Variants in BGN observed in about 807,000 individuals in gnomAD.
BGN encodes bone/cartilage proteoglycan-I.
Under a neutral mutation model 20.0 loss-of-function variants are expected in BGN, and 6 were observed. The observed-to-expected ratio is 0.30, with a 90% CI of 0.16 to 0.59. The LOEUF (loss-of-function observed/expected upper bound fraction) is 0.59, where lower values mean the gene tolerates loss of function less well. BGN is among the 20% of genes least tolerant of loss of function. BGN has a pLI of 0.88. For synonymous variants in BGN, 146 were observed against 134.6 expected (o/e 1.08, Z -0.59); for missense variants, 292 against 312.1 (o/e 0.94, Z 0.49).
chrX:153,498,132 C>T lies in BGN; in HGVS notation c.-12+3019C>T, dbSNP rs187202343. On this transcript the variant is annotated intron_variant, in intron 1 of 7. Coordinates refer to ENST00000331595, the MANE Select transcript of BGN (RefSeq NM_001711.6). Reference sequence around the variant, plus strand: ...GAGGCTTAGGGGCCTGGGGCTCTAGCCAGCCTTCTTGCATGGAACTCTCCT... The same window carrying T: ...GAGGCTTAGGGGCCTGGGGCTCTAGTCAGCCTTCTTGCATGGAACTCTCCT... Among the ~76,000 whole-genome samples, 3 of 112,870 alleles carry T rather than the reference C, an allele frequency of 2.7e-5. No homozygotes were observed. The East Asian group carries it at 8.4e-4, about 32-fold the overall frequency.
chrX:153,498,918 A>C (rs1167841128), intron 1 of BGN, among the ~76,000 whole-genome samples: 1 of 111,845 alleles, frequency 8.9e-6, no homozygotes. Context: ...AGCCCCCTGC[A>C]CAGCCCCGAG....
intron 1 of BGN, 97 bp from the exon 2 acceptor site, chrX:153,504,524 G>A: frequency 1.3e-6 from 1 of 743,168 alleles, no homozygotes; most frequent in East Asian, 3.4e-5. Context: ...GGTGAGGGAT[G>A]GGAACGCAGT....
intron 1 of BGN, among the ~76,000 whole-genome samples, chrX:153,501,104 TGTGTGCAC>T (rs1284171587): frequency 6.3e-5 from 7 of 111,902 alleles, no homozygotes; most frequent in African/African-American, 2.3e-4. Flanking sequence ...TGTGCATGTG[TGTGTGCAC>T]GTGTGTACAT....
chrX:153,507,360 A>G (rs1318348508), intron 7 of BGN, among the ~76,000 whole-genome samples, 175 bp downstream of exon 7: 1 of 112,602 alleles, frequency 8.9e-6, no homozygotes, highest in African/African-American at 3.2e-5. Context: ...CAGGGGCTCC[A>G]TGGTGGATAC....
intron 1 of BGN, among the ~76,000 whole-genome samples, chrX:153,502,897 T>C (rs2089770620): frequency 8.9e-6 from 1 of 112,339 alleles, no homozygotes. Context: ...TGGCAGCCGC[T>C]ATAGCCACAG....
Position 153,496,656 on chromosome X carries a change from G to A in BGN, c.-12+1543G>A, listed in dbSNP as rs184409637. Among the ~76,000 whole-genome samples the A allele has an allele frequency of 9.5e-4, 107 of 112,561 alleles. 1 individual carries two copies. In the East Asian group the frequency reaches 0.026, roughly 27 times the overall value. ...ACCTTCAAGCCCCAAGGACCCGTAC[G>A]GCAGTGGGCATTAACCCTACCAACG... On this transcript the variant is annotated intron_variant, in intron 1 of 7. Transcript: ENST00000331595.
intron 1 of BGN, among the ~76,000 whole-genome samples, chrX:153,503,817 G>T (rs1216916163): frequency 1.8e-5 from 2 of 109,562 alleles, no homozygotes; most frequent in Non-Finnish European, 3.8e-5. Context: ...GGGCAGGGAG[G>T]AAGGGTGCGA....
At chrX:153,501,804 G>A (rs2089762481) in intron 1 of BGN, among the ~76,000 whole-genome samples, 1 of 112,506 alleles carries the variant, frequency 8.9e-6, no homozygotes, top group African/African-American at 3.2e-5. Flanking sequence ...CTGTCACGGG[G>A]CCCGGGTGTA....
At chrX:153,499,320 G>A (rs974176663) in intron 1 of BGN, among the ~76,000 whole-genome samples, 5 of 112,011 alleles carry the variant, frequency 4.5e-5, no homozygotes, top group African/African-American at 6.5e-5. Flanking sequence ...GACCAGGAGC[G>A]CACAGTGGGA....
chrX:153,500,798 T>TATGTGTGC (rs1322080990), intron 1 of BGN, among the ~76,000 whole-genome samples: 2 of 111,543 alleles, frequency 1.8e-5, no homozygotes, highest in African/African-American at 3.3e-5. Flanking sequence ...TGCATGTGTG[T>TATGTGTGC]ATGTGTGCAT....
At position 153,508,709 on chromosome X, in the gene BGN, A is replaced by G; in HGVS notation, c.*264A>G. ...CCCTGCTCTCCCACCACAGCCACCC[A>G]GAGGCACCCCATGAAGCTTTTTTCT... On this transcript the variant is annotated 3_prime_UTR_variant, in exon 8 of 8. Coordinates refer to ENST00000331595, the MANE Select transcript of BGN (RefSeq NM_001711.6). The G allele has an allele frequency of 2.4e-6, 1 of 410,887 alleles. No individual in the cohort carries two copies. The highest frequency in any genetic ancestry group is 4.2e-6 in the Non-Finnish European group (1 of 236,109). 33.9% of individuals were successfully genotyped at this position (410,887 alleles called of 1,213,427 possible).
chrX:153,503,994 C>T (rs1421156097), intron 1 of BGN, among the ~76,000 whole-genome samples: 1 of 111,801 alleles, frequency 8.9e-6, no homozygotes, highest in African/African-American at 3.3e-5. Context: ...TTACCCACGG[C>T]CTCCAAGGAT....
intron 1 of BGN, among the ~76,000 whole-genome samples, chrX:153,495,903 G>A (rs1171660927): frequency 1.8e-5 from 2 of 112,609 alleles, no homozygotes; most frequent in African/African-American, 6.4e-5. Context: ...AGGGGAAGGA[G>A]AGAAAATCAG....
intron 1 of BGN, among the ~76,000 whole-genome samples, chrX:153,496,757 C>T (rs2089717782): frequency 8.9e-6 from 1 of 112,130 alleles, no homozygotes; most frequent in Non-Finnish European, 1.9e-5. Flanking sequence ...AGCAACATTC[C>T]AGAGTCACTC....
At chrX:153,504,915 G>A (rs2089788115) in intron 2 of BGN, 46 bp downstream of exon 2, 7 of 1,120,889 alleles carry the variant, frequency 6.2e-6, no homozygotes, top group Non-Finnish European at 8.4e-6. Flanking sequence ...GGAGGCTCAG[G>A]TGCAGCCTGA....
intron 3 of BGN, 137 bp downstream of exon 3, chrX:153,505,487 A>C: frequency 3.7e-6 from 2 of 537,914 alleles, no homozygotes; most frequent in Non-Finnish European, 6.0e-6. Flanking sequence ...GCCAGCCGTG[A>C]TGGGAGCTCC....
intron 1 of BGN, among the ~76,000 whole-genome samples, chrX:153,500,579 G>A (rs7060975): frequency 2.7e-5 from 3 of 112,579 alleles, no homozygotes; most frequent in Admixed American, 9.4e-5. Context: ...GTGGATATAT[G>A]TGTATGTATG....
chrX:153,505,412 G>A (rs2089792762), intron 3 of BGN, 62 bp downstream of exon 3: 6 of 953,580 alleles, frequency 6.3e-6, no homozygotes, highest in East Asian at 3.2e-5. Context: ...GTGGGTGCAT[G>A]TGCGTGGACG....
intron 1 of BGN, 112 bp from the exon 2 acceptor site, chrX:153,504,509 T>C: frequency 1.5e-6 from 1 of 649,038 alleles, no homozygotes; most frequent in Non-Finnish European, 2.3e-6. Context: ...GGTCTGGCCG[T>C]CCCTGGTGAG....
Sources: gnomAD v4.1 joint callset for allele counts (sites outside exome capture counted in the v4.1 genomes callset) on GRCh38, gnomAD v4.1.1 for gene constraint, MANE v1.5 for transcripts, NCBI Gene and HGNC (gene_info 2026-07-23, HGNC 2026-07-21) for gene names.